The following B4GALNT3 variants were observed in gnomAD, a reference collection of about 807,000 sequenced individuals.
The protein encoded by B4GALNT3 is beta-1,4-N-acetyl-galactosaminyltransferase 3.
In B4GALNT3, 86 loss-of-function variants were observed where a neutral mutation model predicts 120.2. The observed-to-expected ratio is 0.72, with a 90% CI of 0.60 to 0.86. B4GALNT3 has a LOEUF of 0.86. Among genes scored for constraint, B4GALNT3 ranks in the 40% least tolerant of loss-of-function variants. The pLI, the probability that B4GALNT3 is intolerant of heterozygous loss-of-function variation, is 0.00. For missense variants in B4GALNT3, 1,167 were observed against 1,298.9 expected, an observed-to-expected ratio of 0.90 and a Z score of 1.56; for synonymous variants, 518 against 510.4, an observed-to-expected ratio of 1.01 and a Z score of -0.20.
intron 6 of B4GALNT3, 138 bp downstream of exon 6, chr12:545,607 A>AT (rs1450486563): frequency 1.2e-6 from 1 of 812,528 alleles, no homozygotes; most frequent in Non-Finnish European, 1.9e-6. Context: ...CTCCTCCCTC[A>AT]CCCCTACCCC....
At chr12:560,989 G>A (rs1947224274) in intron 19 of B4GALNT3, among the ~76,000 whole-genome samples, 1 of 152,214 alleles carries the variant, frequency 6.6e-6, no homozygotes, top group South Asian at 2.1e-4. Flanking sequence ...CAGGAGCCGT[G>A]CTGAGCCCTC....
intron 3 of B4GALNT3, among the ~76,000 whole-genome samples, chr12:543,914 G>C (rs1473575748): frequency 3.8e-5 from 5 of 131,876 alleles, no homozygotes; most frequent in African/African-American, 1.5e-4. Context: ...GCTGGGACGG[G>C]CATGGGGTGC....
intron 1 of B4GALNT3, among the ~76,000 whole-genome samples, chr12:505,384 T>C (rs1020214830): frequency 1.3e-5 from 2 of 152,172 alleles, no homozygotes; most frequent in African/African-American, 4.8e-5. Flanking sequence ...CAGCGGCTCT[T>C]ACAGCAGCCC....
Position 499,341 on chromosome 12 carries a change from T to C in B4GALNT3, c.170-35825T>C, listed in dbSNP as rs369039357. Among the ~76,000 whole-genome samples, 3 of 152,354 alleles carry C rather than the reference T, an allele frequency of 2.0e-5. 1 individual carries two copies. The stretch of plus-strand genomic sequence containing the variant: ...GACTGTGGTGCAAGGGGAGAGCCCG[T>C]GCTCTCACTATCTAGAACAGTCCTA... On this transcript the variant is annotated intron_variant, in intron 1 of 19. Coordinates refer to ENST00000266383, the MANE Select transcript of B4GALNT3 (RefSeq NM_173593.4).
intron 1 of B4GALNT3, among the ~76,000 whole-genome samples, chr12:510,843 C>T (rs954974804): frequency 2.6e-5 from 4 of 151,948 alleles, no homozygotes; most frequent in Non-Finnish European, 5.9e-5. Context: ...GTATTCGATT[C>T]ACTGGTGCTG....
intron 1 of B4GALNT3, among the ~76,000 whole-genome samples, chr12:505,153 A>G (rs1001643170): frequency 6.6e-6 from 1 of 152,184 alleles, no homozygotes; most frequent in Non-Finnish European, 1.5e-5. Flanking sequence ...TGGCCTCCCA[A>G]CGTGCTGGGA....
chr12:528,809 G>A (rs1946780439), intron 1 of B4GALNT3, among the ~76,000 whole-genome samples: 1 of 152,194 alleles, frequency 6.6e-6, no homozygotes, highest in African/African-American at 2.4e-5. Flanking sequence ...GCTGGTTCCT[G>A]GCATTTGTGG....
chr12:484,925 G>C (rs972224767), intron 1 of B4GALNT3, among the ~76,000 whole-genome samples: 2 of 152,160 alleles, frequency 1.3e-5, no homozygotes, highest in African/African-American at 4.8e-5. Context: ...GGTCCATCCT[G>C]TGGTGTATGT....
intron 1 of B4GALNT3, among the ~76,000 whole-genome samples, chr12:514,991 C>T (rs1488954237): frequency 6.6e-6 from 1 of 152,108 alleles, no homozygotes; most frequent in Non-Finnish European, 1.5e-5. Flanking sequence ...GCACTTGAGC[C>T]TGGGTGACAG....
At position 550,831 on chromosome 12, in the gene B4GALNT3, A is replaced by C; in HGVS notation, c.998-91A>C. 1 of 1,059,428 alleles carries C rather than the reference A, an allele frequency of 9.4e-7. No individual in the cohort carries two copies. The highest frequency in any genetic ancestry group is 2.5e-5 in the East Asian group (1 of 39,544). The allele number at this position is 1,059,428 out of a possible 1,614,324, so 65.6% of individuals were successfully genotyped here. ...CGGCAGAACACAGCTGCCGCTTGCG[A>C]ATACAGAAAGGGCCCTGCTCAGGGC... On this transcript the variant is annotated intron_variant, in intron 10 of 19. Coordinates refer to ENST00000266383, the MANE Select transcript of B4GALNT3 (RefSeq NM_173593.4). The surrounding 1 kb of genome is among the most constrained non-coding windows in gnomAD (Gnocchi z 4.1).
Position 464,185 on chromosome 12 carries a change from G to A in B4GALNT3, c.169+3640G>A, listed in dbSNP as rs138372201. ...TAAGGATTTCAGTGTTTTAATAAGT[G>A]GTACGGCTATCCTGGTGTGTACTGG... On this transcript the variant is annotated intron_variant, in intron 1 of 19. Transcript: ENST00000266383. 2.2e-3 allele frequency among the ~76,000 whole-genome samples: 333 copies of A among 152,324 alleles called. 2 individuals carry two copies. The highest frequency in any genetic ancestry group is 3.8e-3 in the Non-Finnish European group (258 of 68,024).
At chr12:507,579 G>C (rs897284655) in intron 1 of B4GALNT3, among the ~76,000 whole-genome samples, 4 of 152,156 alleles carry the variant, frequency 2.6e-5, no homozygotes, top group Admixed American at 6.5e-5. Context: ...TTCACCCCAC[G>C]CCCTCCACCC....
At chr12:463,257 A>G (rs1031690985) in intron 1 of B4GALNT3, among the ~76,000 whole-genome samples, 2 of 152,222 alleles carry the variant, frequency 1.3e-5, no homozygotes, top group Admixed American at 6.5e-5. Context: ...CTCCAGGGTT[A>G]CCAGTAATGA....
rs530663225 is a variant in B4GALNT3 at position 517,727 on chromosome 12, A to G, written c.170-17439A>G. Among the ~76,000 whole-genome samples, 5 of 150,908 alleles carry G rather than the reference A, an allele frequency of 3.3e-5. No individual in the cohort carries two copies. The South Asian group carries it at 8.4e-4, about 25-fold the overall frequency. ...AGTTATGTACTTGTCATGTTATCAA[A>G]CCCATCCTTCCTGCATGAAGCAGGG... On this transcript the variant is annotated intron_variant, in intron 1 of 19. Coordinates refer to ENST00000266383, the MANE Select transcript of B4GALNT3 (RefSeq NM_173593.4).
At chr12:519,597 CTTTT>C (rs33954082) in intron 1 of B4GALNT3, among the ~76,000 whole-genome samples, 1 of 134,180 alleles carries the variant, frequency 7.5e-6, no homozygotes, top group African/African-American at 2.8e-5. Context: ...TTCCTTTCTG[CTTTT>C]TTTTTTTTTT....
chr12:543,210 C>T, intron 3 of B4GALNT3: 1 of 1,288,454 alleles, frequency 7.8e-7, no homozygotes, highest in Non-Finnish European at 1.0e-6. Flanking sequence ...CACCAGGTTC[C>T]TGAAAGAAGT....
chr12:489,589 G>A (rs12578599), intron 1 of B4GALNT3, among the ~76,000 whole-genome samples: 3 of 152,004 alleles, frequency 2.0e-5, no homozygotes, highest in Non-Finnish European at 4.4e-5. Flanking sequence ...TAGATTAAAC[G>A]TAAAGGAATG....
In B4GALNT3 at chr12:553,352, A is replaced by G; in HGVS notation, c.1429A>G (p.Lys477Glu). 1 of 1,613,768 alleles carries G rather than the reference A, an allele frequency of 6.2e-7. No individual in the cohort carries two copies. Among genetic ancestry groups the G allele is most frequent in the Non-Finnish European group, 8.5e-7 (1 of 1,180,040 alleles). ...ATDYRLRSLR[K>E]LLAQPREGLL... Reference sequence around the variant, plus strand: ...TGACTACCGCCTCCGAAGCCTGCGGAAACTCCTGGCTCAGCCCCGGGAGGG... The same window carrying G: ...TGACTACCGCCTCCGAAGCCTGCGGGAACTCCTGGCTCAGCCCCGGGAGGG... Residue 477 changes from lysine to glutamate, a missense_variant, in exon 14 of 20, where the codon AAA becomes GAA. Physicochemically the swap from Lys to Glu is moderately conservative, Grantham distance 56. This residue lies in a region of B4GALNT3 where 983 missense variants were observed against 1,102.5 expected (regional missense o/e 0.89). Transcript: ENST00000266383.
In B4GALNT3 at chr12:549,905, C is replaced by T. The variant is rs761236510; in HGVS notation, c.990C>T (p.Leu330=). Residue 330 remains leucine (L), a synonymous_variant, in exon 10 of 20, where the codon CTC becomes CTT. Transcript: ENST00000266383. ...TTCGGCCTGACCCCCGGGACACCCT[C>T]TATCGAGGTAAGGCCTCGGCCAGCG... ...DMLRPDPRDT[L]YRVPLIPKSH... 1.9e-6 allele frequency: 3 copies of T among 1,612,166 alleles called. No individual in the cohort carries two copies. Among genetic ancestry groups the T allele is most frequent in the Non-Finnish European group, 2.5e-6 (3 of 1,179,552 alleles).
Sources: allele counts gnomAD v4.1 joint callset (sites outside exome capture counted in the v4.1 genomes callset), GRCh38; gene constraint gnomAD v4.1.1; regional missense constraint gnomAD v4.1.1; non-coding constraint Gnocchi (gnomAD v3.1); transcripts MANE v1.5; gene names NCBI Gene and HGNC (gene_info 2026-07-23, HGNC 2026-07-21).